PPFIA2: variants seen among roughly 807,000 people sequenced by gnomAD.
The protein encoded by PPFIA2 is liprin-alpha-2.
A neutral mutation model predicts 175.5 loss-of-function variants in PPFIA2; 46 were observed. The ratio of observed to expected loss-of-function variants is 0.26; its 90% CI spans 0.21 to 0.34. PPFIA2 has a LOEUF of 0.34. Ranked by LOEUF, PPFIA2 falls within the 10% of genes least tolerant of loss-of-function variation. PPFIA2 has a pLI of 1.00. For synonymous variants in PPFIA2, 568 were observed against 511.4 expected (o/e 1.11, Z -1.49); for missense variants, 1,179 against 1,506.1 (o/e 0.78, Z 3.60).
intron 8 of PPFIA2, among the ~76,000 whole-genome samples, chr12:81,403,711 G>T (rs2042436006): frequency 6.6e-6 from 1 of 152,088 alleles, no homozygotes; most frequent in African/African-American, 2.4e-5. Flanking sequence ...ACACTCAACT[G>T]GTAAGGGAAA....
chr12:81,365,924 A>C (rs2033092573), intron 14 of PPFIA2, among the ~76,000 whole-genome samples: 1 of 150,350 alleles, frequency 6.7e-6, no homozygotes. Context: ...TCTTTCCTCT[A>C]TTCTTCATCT....
intron 3 of PPFIA2, among the ~76,000 whole-genome samples, chr12:81,691,179 T>C (rs1382267515): frequency 1.3e-5 from 2 of 152,138 alleles, no homozygotes; most frequent in Admixed American, 6.6e-5. Context: ...TAAGAATACC[T>C]TGGATTCAAA....
At chr12:81,573,023 G>A (rs1386985261) in intron 4 of PPFIA2, among the ~76,000 whole-genome samples, 1 of 151,924 alleles carries the variant, frequency 6.6e-6, no homozygotes, top group African/African-American at 2.4e-5. Context: ...GAGAGAGAGA[G>A]AGAGAGAGAC....
intron 7 of PPFIA2, among the ~76,000 whole-genome samples, chr12:81,417,824 A>G (rs2045576932): frequency 1.3e-5 from 2 of 151,838 alleles, no homozygotes; most frequent in Non-Finnish European, 3.0e-5. Flanking sequence ...TGAGATTTAC[A>G]GAGAATAGTG....
chr12:81,442,868 T>TGA (rs1402553579), intron 6 of PPFIA2, among the ~76,000 whole-genome samples: 2 of 96,740 alleles, frequency 2.1e-5, no homozygotes, highest in Non-Finnish European at 4.3e-5. Context: ...TATATATATA[T>TGA]ATATATATAT....
At chr12:81,361,380 A>G (rs1169811285) in intron 15 of PPFIA2, among the ~76,000 whole-genome samples, 1 of 151,724 alleles carries the variant, frequency 6.6e-6, no homozygotes, top group African/African-American at 2.4e-5. Context: ...AACACATAAC[A>G]TTGAAATAAT....
intron 3 of PPFIA2, among the ~76,000 whole-genome samples, chr12:81,739,404 C>G (rs573887621): frequency 1.0e-3 from 155 of 152,008 alleles, no homozygotes; most frequent in African/African-American, 3.6e-3. Context: ...AATTGGCTAA[C>G]ATAACTTTTA....
At chr12:81,273,892 C>CA (rs1555204547) in intron 28 of PPFIA2, among the ~76,000 whole-genome samples, 2 of 151,726 alleles carry the variant, frequency 1.3e-5, no homozygotes, top group South Asian at 2.1e-4. Flanking sequence ...CGCCCCCCCC[C>CA]AAACCGGTCT....
At chr12:81,525,144 A>T (rs947134357) in intron 4 of PPFIA2, among the ~76,000 whole-genome samples, 2 of 152,192 alleles carry the variant, frequency 1.3e-5, no homozygotes, top group Non-Finnish European at 2.9e-5. Flanking sequence ...TTCCTTAATA[A>T]TTCTCTACCC....
At chr12:81,687,165 C>G (rs1295747145) in intron 3 of PPFIA2, among the ~76,000 whole-genome samples, 1 of 152,028 alleles carries the variant, frequency 6.6e-6, no homozygotes, top group Admixed American at 6.6e-5. Context: ...CAGGTTACTT[C>G]TGTACTCAAA....
intron 3 of PPFIA2, among the ~76,000 whole-genome samples, chr12:81,747,609 GGA>G (rs2083234802): frequency 7.0e-6 from 1 of 143,552 alleles, no homozygotes; most frequent in Non-Finnish European, 1.6e-5. Context: ...TGTAAGGCAT[GGA>G]ATTATCATTT....
intron 3 of PPFIA2, among the ~76,000 whole-genome samples, chr12:81,732,188 T>A (rs2080999376): frequency 6.6e-6 from 1 of 151,526 alleles, no homozygotes; most frequent in Admixed American, 6.6e-5. Flanking sequence ...TGAAATCAAA[T>A]GTAAAATATA....
chr12:81,758,718 G>C (rs569676296), intron 1 of PPFIA2: 2 of 174,992 alleles, frequency 1.1e-5, no homozygotes, highest in African/African-American at 4.8e-5. Context: ...AAGGAGGAGA[G>C]GGGGAGGCGG....
At chr12:81,708,397 A>G (rs2153611844) in intron 3 of PPFIA2, among the ~76,000 whole-genome samples, 2 of 152,260 alleles carry the variant, frequency 1.3e-5, no homozygotes, top group East Asian at 3.9e-4. Flanking sequence ...TTATTGTAAA[A>G]TTTTAAAGAA....
At chr12:81,552,492 C>T (rs752210188) in intron 4 of PPFIA2, among the ~76,000 whole-genome samples, 15 of 151,726 alleles carry the variant, frequency 9.9e-5, no homozygotes, top group African/African-American at 1.7e-4. Flanking sequence ...TCTGACTTGC[C>T]AAACATGTTA....
rs558466143 is a variant in PPFIA2, at chr12:81,584,712, T to C, written c.303+92079A>G. On this transcript the variant is annotated intron_variant, in intron 4 of 32. Coordinates refer to ENST00000549396, the MANE Select transcript of PPFIA2 (RefSeq NM_003625.5). ...TACTGTAGGCATTGTAATATGGTAG[T>C]AATTGTATATCTAAATATATATAAG... 5.4e-5 allele frequency among the ~76,000 whole-genome samples: 8 copies of C among 148,480 alleles called. No homozygotes were observed. The East Asian group carries it at 1.6e-3, about 29-fold the overall frequency.
At chr12:81,605,654 TCTA>T (rs2060220553) in intron 4 of PPFIA2, among the ~76,000 whole-genome samples, 1 of 103,988 alleles carries the variant, frequency 9.6e-6, no homozygotes, top group Admixed American at 9.8e-5. Context: ...CATCCAGCTA[TCTA>T]TCTATCTATC....
At chr12:81,355,556 G>A (rs1233400971) in intron 16 of PPFIA2, among the ~76,000 whole-genome samples, 1 of 152,168 alleles carries the variant, frequency 6.6e-6, no homozygotes, top group Non-Finnish European at 1.5e-5. Context: ...AATGGAAGGT[G>A]GTTTCATCTA....
rs1352218071 is a variant in PPFIA2, at chr12:81,259,627, G to A, written c.*67C>T. 18 of 1,533,124 alleles carry A rather than the reference G, an allele frequency of 1.2e-5. No individual in the cohort carries two copies. Among genetic ancestry groups the A allele is most frequent in the South Asian group, 2.4e-5 (2 of 83,968 alleles). 95.0% of individuals were successfully genotyped at this position (1,533,124 alleles called of 1,614,324 possible). On this transcript the variant is annotated 3_prime_UTR_variant, in exon 33 of 33. Coordinates refer to ENST00000549396, the MANE Select transcript of PPFIA2 (RefSeq NM_003625.5). ...ACTGCTCGTCTTCTTAGATGGTAGTGCACTTTAGGTAGAGTAGACTGAAAA... is the reference window on the plus strand; with the variant it reads ...ACTGCTCGTCTTCTTAGATGGTAGTACACTTTAGGTAGAGTAGACTGAAAA...
Sources: allele counts gnomAD v4.1 joint callset (sites outside exome capture counted in the v4.1 genomes callset), GRCh38; gene constraint gnomAD v4.1.1; transcripts MANE v1.5; gene names NCBI Gene and HGNC (gene_info 2026-07-23, HGNC 2026-07-21).